Variants in ARFGEF3 observed in about 807,000 individuals in gnomAD.
ARFGEF3 encodes ARFGEF family member 3.
ARFGEF3 carries 96 observed loss-of-function variants against 221.7 expected under a neutral mutation model. The observed-to-expected ratio is 0.43, with a 90% CI of 0.37 to 0.51. ARFGEF3 has a LOEUF of 0.51. Among genes scored for constraint, ARFGEF3 ranks in the 20% least tolerant of loss-of-function variants. ARFGEF3 has a pLI of 0.00. For synonymous variants in ARFGEF3, 1,145 were observed against 1,126.8 expected (o/e 1.02, Z -0.32); for missense variants, 2,410 against 2,789.9 (o/e 0.86, Z 3.07).
intron 2 of ARFGEF3, among the ~76,000 whole-genome samples, chr6:138,179,028 A>C (rs1165430981): frequency 6.6e-6 from 1 of 152,212 alleles, no homozygotes; most frequent in Non-Finnish European, 1.5e-5. Context: ...TGCTAAAGAT[A>C]CAAAGTTTTC....
chr6:138,335,260 A>G lies in ARFGEF3; in HGVS notation c.6342+72A>G, dbSNP rs994305494. 42 of 1,415,854 alleles carry G rather than the reference A, an allele frequency of 3.0e-5. No homozygotes were observed. In the East Asian group the frequency reaches 6.5e-4, roughly 22 times the overall value. 87.7% of individuals were successfully genotyped at this position (1,415,854 alleles called of 1,614,324 possible). A position where few individuals can be genotyped will look rare whatever the true frequency, so the allele number is the denominator to read the frequency against. ...GTACTGGATGGGCCCCCCCTTGCAG[A>G]GCAGGCATACACAGGCTAAGATTTA... is the stretch of plus-strand genomic sequence containing the variant. On this transcript the variant is annotated intron_variant, in intron 33 of 33. Coordinates refer to ENST00000251691, the MANE Select transcript of ARFGEF3 (RefSeq NM_020340.5).
At chr6:138,287,211 C>G in intron 17 of ARFGEF3, 27 bp downstream of exon 17, 1 of 1,530,038 alleles carries the variant, frequency 6.5e-7, no homozygotes, top group East Asian at 2.4e-5. Context: ...CAGAACCCAC[C>G]TGGTGCCTTG....
At chr6:138,171,313 A>C (rs541727229) in intron 2 of ARFGEF3, among the ~76,000 whole-genome samples, 14 of 149,070 alleles carry the variant, frequency 9.4e-5, no homozygotes, top group South Asian at 2.1e-4. Context: ...CCAGCCATGG[A>C]AGTCCATGGT....
intron 2 of ARFGEF3, among the ~76,000 whole-genome samples, chr6:138,186,740 G>A (rs774701358): frequency 2.0e-5 from 3 of 152,016 alleles, no homozygotes; most frequent in South Asian, 2.1e-4. Context: ...AGATATCCCC[G>A]TCCCGCAAGC....
chr6:138,209,684 A>G (rs1439462981), intron 3 of ARFGEF3, among the ~76,000 whole-genome samples: 2 of 152,012 alleles, frequency 1.3e-5, no homozygotes, highest in Non-Finnish European at 2.9e-5. Context: ...CCCTGACCTC[A>G]TGACCCGCCC....
At position 138,321,159 on chromosome 6, in the gene ARFGEF3, A is replaced by G; in HGVS notation, c.4700A>G (p.Glu1567Gly). 6.4e-7 allele frequency: 1 copy of G among 1,565,318 alleles called. No homozygotes were observed. ...MINTMLKDLFELLVACVAKPT... is the reference protein window; with the variant it reads ...MINTMLKDLFGLLVACVAKPT... ...AATACCATGCTGAAGGACCTCTTTG[A>G]GTTGCTGGTCGCCTGTGTGGCCAAG... The change falls in exon 29 of 34, where the codon GAG becomes GGG. Residue 1567 changes from glutamate to glycine, a missense_variant. Glu to Gly is a moderately conservative substitution (Grantham distance 98, BLOSUM62 -2). Coordinates refer to ENST00000251691, the MANE Select transcript of ARFGEF3 (RefSeq NM_020340.5).
At position 138,284,306 on chromosome 6, in the gene ARFGEF3, AAAAC is replaced by A. The variant is rs372230008; in HGVS notation, c.2462-1628_2462-1625del. Among the ~76,000 whole-genome samples, 771 of 152,232 alleles carry A rather than the reference AAAAC, an allele frequency of 5.1e-3. 6 individuals carry two copies. Among genetic ancestry groups the A allele is most frequent in the African/African-American group, 0.017 (713 of 41,518 alleles). On this transcript the variant is annotated intron_variant, in intron 14 of 33. Transcript: ENST00000251691. ...GGTGACAGAGTGAGACCCCGTCTCAAAAACAAACAAACAAAAACAAACAAAAAAC... is the reference window on the plus strand; with the variant it reads ...GGTGACAGAGTGAGACCCCGTCTCAAAAACAAACAAAAACAAACAAAAAAC...
Position 138,339,716 on chromosome 6 carries a change from C to G in ARFGEF3, c.*3230C>G, listed in dbSNP as rs903203168. ...TCGGTTTTCACAATTGAACCTCATGCACTGTCCACAGCATCTCACCTAGCT... is the reference window on the plus strand; with the variant it reads ...TCGGTTTTCACAATTGAACCTCATGGACTGTCCACAGCATCTCACCTAGCT... On this transcript the variant is annotated 3_prime_UTR_variant, in exon 34 of 34. Transcript: ENST00000251691. 3.9e-5 allele frequency: 6 copies of G among 152,202 alleles called. No individual in the cohort carries two copies. Among genetic ancestry groups the G allele is most frequent in the Non-Finnish European group, 5.9e-5 (4 of 68,044 alleles). The allele number at this position is 152,202 out of a possible 1,614,324, so 9.4% of individuals were successfully genotyped here.
At chr6:138,307,835 C>G (rs1441122665) in intron 23 of ARFGEF3, among the ~76,000 whole-genome samples, 2 of 152,056 alleles carry the variant, frequency 1.3e-5, no homozygotes, top group East Asian at 1.9e-4. Flanking sequence ...TTCCCAAGAC[C>G]ACCCCTAAAC....
Position 138,337,177 on chromosome 6 carries a change from G to T in ARFGEF3, c.*691G>T, listed in dbSNP as rs1247756483. Reference sequence around the variant, plus strand: ...AAAGAAGAAAGTTCTTTCCTAGCAGGGTTTGAAGTCTGTGGCTTATCAGCC... The same window carrying T: ...AAAGAAGAAAGTTCTTTCCTAGCAGTGTTTGAAGTCTGTGGCTTATCAGCC... On this transcript the variant is annotated 3_prime_UTR_variant, in exon 34 of 34. Transcript: ENST00000251691. 1.3e-5 allele frequency: 2 copies of T among 152,602 alleles called. No individual in the cohort carries two copies. Among genetic ancestry groups the T allele is most frequent in the Admixed American group, 6.5e-5 (1 of 15,276 alleles). The allele number at this position is 152,602 out of a possible 1,614,324, so 9.5% of individuals were successfully genotyped here. A position where few individuals can be genotyped will look rare whatever the true frequency, so the allele number is the denominator to read the frequency against.
chr6:138,211,109 T>C (rs1052927277), intron 4 of ARFGEF3, among the ~76,000 whole-genome samples: 4 of 152,146 alleles, frequency 2.6e-5, no homozygotes, highest in African/African-American at 9.7e-5. Flanking sequence ...ATGGGGGCAA[T>C]AGTAGGACCC....
chr6:138,269,490 G>A, intron 12 of ARFGEF3, among the ~76,000 whole-genome samples: 1 of 152,142 alleles, frequency 6.6e-6, no homozygotes, highest in East Asian at 1.9e-4. Flanking sequence ...TGTCAGTTAG[G>A]ATTAGGTTTC....
intron 2 of ARFGEF3, among the ~76,000 whole-genome samples, chr6:138,176,614 T>A (rs1212429944): frequency 6.6e-6 from 1 of 152,204 alleles, no homozygotes; most frequent in Non-Finnish European, 1.5e-5. Flanking sequence ...TTCTTTGTTT[T>A]TTTCTTTTTC....
chr6:138,286,309 G>A (rs1384100860), intron 15 of ARFGEF3, among the ~76,000 whole-genome samples: 1 of 152,124 alleles, frequency 6.6e-6, no homozygotes, highest in Non-Finnish European at 1.5e-5. Flanking sequence ...AATTAGCCGG[G>A]TGTGGTGGTG....
At chr6:138,303,466 C>A (rs1469646735) in intron 22 of ARFGEF3, among the ~76,000 whole-genome samples, 2 of 152,056 alleles carry the variant, frequency 1.3e-5, no homozygotes, top group Admixed American at 1.3e-4. Context: ...ATATGTAAAT[C>A]AAAACCACGT....
intron 5 of ARFGEF3, among the ~76,000 whole-genome samples, chr6:138,230,334 C>T (rs1469365092): frequency 2.0e-5 from 3 of 152,140 alleles, no homozygotes; most frequent in African/African-American, 7.2e-5. Context: ...TATTGCAGCC[C>T]AGAGTAATGT....
At position 138,162,000 on chromosome 6, in the gene ARFGEF3, C is replaced by T. The variant is rs530026734; in HGVS notation, c.-87C>T. On this transcript the variant is annotated 5_prime_UTR_variant, in exon 1 of 34. Transcript: ENST00000251691. Reference sequence around the variant, plus strand: ...GCGCGCGCGGCGGCCGCCTAGGCGCCCAGGGCCAGGCAGCGGCGGCTTCCC... The same window carrying T: ...GCGCGCGCGGCGGCCGCCTAGGCGCTCAGGGCCAGGCAGCGGCGGCTTCCC... The T allele has an allele frequency of 4.6e-6, 4 of 860,518 alleles. No homozygotes were observed. The East Asian group carries it at 1.7e-4, about 37-fold the overall frequency. 53.3% of individuals were successfully genotyped at this position (860,518 alleles called of 1,614,324 possible).
chr6:138,217,794 A>G, intron 4 of ARFGEF3: 1 of 779,586 alleles, frequency 1.3e-6, no homozygotes, highest in South Asian at 3.1e-5. Context: ...CTATGAGTTC[A>G]AGATTGAGAA....
chr6:138,283,638 ACT>A (rs1779235841), intron 14 of ARFGEF3, among the ~76,000 whole-genome samples: 1 of 152,230 alleles, frequency 6.6e-6, no homozygotes, highest in Non-Finnish European at 1.5e-5. Flanking sequence ...TCAGCGCTGT[ACT>A]AACTGTGGCC....
Sources: allele counts gnomAD v4.1 joint callset (sites outside exome capture counted in the v4.1 genomes callset), GRCh38; gene constraint gnomAD v4.1.1; transcripts MANE v1.5; gene names NCBI Gene and HGNC (gene_info 2026-07-23, HGNC 2026-07-21).